The following DNAJB14 variants were observed in gnomAD, a reference collection of about 807,000 sequenced individuals.
DNAJB14 encodes dnaJ homolog subfamily B member 14.
DNAJB14 carries 22 observed loss-of-function variants against 48.4 expected under a neutral mutation model. That is an observed-to-expected ratio of 0.45 (90% CI 0.32 to 0.65). DNAJB14 has a LOEUF of 0.65. Among genes scored for constraint, DNAJB14 ranks in the 30% least tolerant of loss-of-function variants. The pLI, the probability that DNAJB14 is intolerant of heterozygous loss-of-function variation, is 0.03. For missense variants in DNAJB14, 319 were observed against 458.8 expected (o/e 0.70, Z 2.78); for synonymous variants, 142 against 158.7 (o/e 0.89, Z 0.79).
chr4:99,912,731 G>A (rs1725709951), intron 3 of DNAJB14, among the ~76,000 whole-genome samples: 1 of 152,054 alleles, frequency 6.6e-6, no homozygotes, highest in African/African-American at 2.4e-5. Context: ...TGCCCACCTC[G>A]GCCTCCCAAA....
In DNAJB14 at chr4:99,896,729, A is replaced by G. The variant is rs1364871935; in HGVS notation, c.*4299T>C. Reference sequence around the variant, plus strand: ...TAATTTTTTGAAAGTAATAATTACAATACTCCAATGTCACTGAAAATCTCT... The same window carrying G: ...TAATTTTTTGAAAGTAATAATTACAGTACTCCAATGTCACTGAAAATCTCT... On this transcript the variant is annotated 3_prime_UTR_variant, in exon 8 of 8. Coordinates refer to ENST00000442697, the MANE Select transcript of DNAJB14 (RefSeq NM_001031723.4). 1.3e-5 allele frequency: 2 copies of G among 152,160 alleles called. No homozygotes were observed. Among genetic ancestry groups the G allele is most frequent in the Non-Finnish European group, 2.9e-5 (2 of 67,990 alleles). The allele number at this position is 152,160 out of a possible 1,614,324, so 9.4% of individuals were successfully genotyped here.
chr4:99,945,471 G>A (rs1296586379), intron 1 of DNAJB14, among the ~76,000 whole-genome samples: 2 of 152,156 alleles, frequency 1.3e-5, no homozygotes, highest in Non-Finnish European at 1.5e-5. Context: ...ACAGTGTAGC[G>A]GTTAAAGGCC....
chr4:99,902,859 C>T (rs1169491557), intron 7 of DNAJB14, among the ~76,000 whole-genome samples: 1 of 152,094 alleles, frequency 6.6e-6, no homozygotes, highest in Admixed American at 6.6e-5. Flanking sequence ...AGTATAATCT[C>T]ACAGGGTTGT....
intron 3 of DNAJB14, among the ~76,000 whole-genome samples, chr4:99,916,458 G>T (rs1725858364): frequency 6.6e-6 from 1 of 152,150 alleles, no homozygotes; most frequent in East Asian, 1.9e-4. Flanking sequence ...CTTTTAAAAT[G>T]CATTATGCCA....
intron 3 of DNAJB14, among the ~76,000 whole-genome samples, chr4:99,919,181 A>T (rs1336992808): frequency 6.6e-6 from 1 of 151,888 alleles, no homozygotes; most frequent in Non-Finnish European, 1.5e-5. Flanking sequence ...CCCTTTCCTG[A>T]TCATTTGGCT....
chr4:99,942,291 A>G (rs941141188), intron 1 of DNAJB14: 2 of 151,984 alleles, frequency 1.3e-5, no homozygotes, highest in African/African-American at 4.8e-5. Context: ...GATTCAAATT[A>G]CTACAGTGTT....
At chr4:99,943,895 C>A (rs1490049711) in intron 1 of DNAJB14, among the ~76,000 whole-genome samples, 1 of 151,950 alleles carries the variant, frequency 6.6e-6, no homozygotes, top group African/African-American at 2.4e-5. Flanking sequence ...GGCACTACAA[C>A]AAACTTAAAA....
chr4:99,940,166 A>C (rs1726837381), intron 1 of DNAJB14, among the ~76,000 whole-genome samples: 1 of 152,260 alleles, frequency 6.6e-6, no homozygotes, highest in African/African-American at 2.4e-5. Context: ...TTGCACTCCT[A>C]TATAATGTCC....
intron 5 of DNAJB14, chr4:99,906,143 T>C: frequency 7.6e-7 from 1 of 1,318,004 alleles, no homozygotes; most frequent in Non-Finnish European, 9.9e-7. Context: ...CCACTTCATG[T>C]AATTAAATTG....
At position 99,905,594 on chromosome 4, in the gene DNAJB14, T is replaced by A. The variant is rs777959973; in HGVS notation, c.842+3A>T. ...TTTTGTAAAACTTCACTTGGCTACTTACGATCTGGGATATAAGGAATAAGG... is the reference window on the plus strand; with the variant it reads ...TTTTGTAAAACTTCACTTGGCTACTAACGATCTGGGATATAAGGAATAAGG... On this transcript the variant is annotated splice_donor_region_variant and intron_variant, in intron 6 of 7. Coordinates refer to ENST00000442697, the MANE Select transcript of DNAJB14 (RefSeq NM_001031723.4). The A allele has an allele frequency of 6.2e-7, 1 of 1,602,154 alleles. No homozygotes were observed.
At chr4:99,942,416 T>C (rs1726920047) in intron 1 of DNAJB14, 1 of 151,970 alleles carries the variant, frequency 6.6e-6, no homozygotes, top group Non-Finnish European at 1.5e-5. Context: ...TCTCTGAAAA[T>C]CCAGAACATA....
chr4:99,909,078 C>T (rs576887400), intron 3 of DNAJB14, among the ~76,000 whole-genome samples, 182 bp from the exon 4 acceptor site: 1 of 152,144 alleles, frequency 6.6e-6, no homozygotes, highest in African/African-American at 2.4e-5. Flanking sequence ...CTCAACACAA[C>T]TTTTTATACC....
intron 3 of DNAJB14, among the ~76,000 whole-genome samples, chr4:99,910,080 G>A (rs1004402090): frequency 2.9e-4 from 44 of 152,094 alleles, no homozygotes; most frequent in African/African-American, 1.0e-3. Context: ...TTAGGTAGTT[G>A]TTTTTGGATG....
chr4:99,920,565 A>G (rs949628291), intron 3 of DNAJB14, among the ~76,000 whole-genome samples: 33 of 152,340 alleles, frequency 2.2e-4, no homozygotes, highest in Middle Eastern at 6.8e-3. Context: ...AGAAAAAAGG[A>G]AAGGGACTTA....
intron 3 of DNAJB14, among the ~76,000 whole-genome samples, chr4:99,913,634 T>C (rs1725747402): frequency 6.6e-6 from 1 of 151,340 alleles, no homozygotes; most frequent in African/African-American, 2.4e-5. Flanking sequence ...TTTTTTTTTT[T>C]TTTTTTCTGT....
At chr4:99,943,463 T>G (rs949937598) in intron 1 of DNAJB14, among the ~76,000 whole-genome samples, 8 of 152,176 alleles carry the variant, frequency 5.3e-5, no homozygotes, top group African/African-American at 1.9e-4. Context: ...GTGTGTACAT[T>G]TGGGTGGGTT....
chr4:99,928,687 A>AAACT (rs1316934623), intron 2 of DNAJB14: 5 of 335,350 alleles, frequency 1.5e-5, no homozygotes, highest in Admixed American at 3.1e-5. Flanking sequence ...TTCTTTTTCA[A>AAACT]AACTTTCAAC....
At chr4:99,905,292 T>C (rs1471459585) in intron 6 of DNAJB14, among the ~76,000 whole-genome samples, 1 of 152,180 alleles carries the variant, frequency 6.6e-6, no homozygotes, top group African/African-American at 2.4e-5. Context: ...TTTAGTTTTG[T>C]CCTTTAGAGT....
intron 2 of DNAJB14, chr4:99,925,039 C>G (rs1578228012): frequency 2.0e-6 from 1 of 494,434 alleles, no homozygotes; most frequent in Non-Finnish European, 3.6e-6. Flanking sequence ...ATAAAATACA[C>G]TGTCATCCCT....
Sources: allele counts gnomAD v4.1 joint callset (sites outside exome capture counted in the v4.1 genomes callset), GRCh38; gene constraint gnomAD v4.1.1; transcripts MANE v1.5; gene names NCBI Gene and HGNC (gene_info 2026-07-23, HGNC 2026-07-21).